The following HS1BP3 variants were observed in gnomAD, a reference collection of about 807,000 sequenced individuals.
HS1BP3 encodes HCLS1 binding protein 3.
Under a neutral mutation model 33.5 loss-of-function variants are expected in HS1BP3, and 32 were observed. That is an observed-to-expected ratio of 0.95 (90% CI 0.72 to 1.28). HS1BP3 has a LOEUF of 1.28. Ranked by LOEUF, HS1BP3 falls within the 50% of genes most tolerant of loss-of-function variation. HS1BP3 has a pLI of 0.00. For synonymous variants in HS1BP3, 187 were observed against 209.2 expected (o/e 0.89, Z 0.92); for missense variants, 486 against 502.3 (o/e 0.97, Z 0.31).
intron 5 of HS1BP3, among the ~76,000 whole-genome samples, chr2:20,568,866 C>T (rs1321674077): frequency 1.3e-5 from 2 of 152,220 alleles, no homozygotes; most frequent in Admixed American, 6.5e-5. Context: ...GTTGGGACCT[C>T]CCAAGGGACT....
intron 6 of HS1BP3, among the ~76,000 whole-genome samples, chr2:20,620,440 C>T (rs546638938): frequency 5.3e-5 from 8 of 152,326 alleles, no homozygotes; most frequent in South Asian, 4.1e-4. Context: ...CTACGTCTAT[C>T]GCTCAGCCAT....
At chr2:20,623,798 A>G in intron 6 of HS1BP3, 98 bp downstream of exon 6, 2 of 1,374,400 alleles carry the variant, frequency 1.5e-6, no homozygotes, top group Non-Finnish European at 1.9e-6. Flanking sequence ...TCCTCCCCTC[A>G]GAGGAGGCTG....
chr2:20,596,813 C>A (rs1181525019), intron 3 of HS1BP3, among the ~76,000 whole-genome samples: 1 of 152,208 alleles, frequency 6.6e-6, no homozygotes, highest in Non-Finnish European at 1.5e-5. Flanking sequence ...ACACACAAAT[C>A]TCAGCTCCTT....
At chr2:20,609,022 G>A (rs1160285441) in intron 2 of HS1BP3, among the ~76,000 whole-genome samples, 1 of 152,224 alleles carries the variant, frequency 6.6e-6, no homozygotes, top group East Asian at 1.9e-4. Context: ...GAGCCCGCCT[G>A]GCTACAGGGA....
intron 3 of HS1BP3, among the ~76,000 whole-genome samples, chr2:20,594,682 C>A (rs568212846): frequency 6.6e-6 from 1 of 152,202 alleles, no homozygotes; most frequent in Non-Finnish European, 1.5e-5. Context: ...TCCATTCAGG[C>A]TGCTACAACA....
At position 20,638,542 on chromosome 2, in the gene HS1BP3, G is replaced by T. The variant is rs375974916; in HGVS notation, c.517C>A (p.Gln173Lys). ...DEEAFDFFEE[Q>K]DQVAEEGPPV... ...GGACCCTCTTCTGCCACTTGGTCTT[G>T]CTCCTCAAAAAAGTCGAAAGCCTCT... Residue 173 changes from glutamine to lysine, a missense_variant, in exon 4 of 7, where the codon CAA (glutamine) becomes AAA (lysine). Physicochemically the swap from Gln to Lys is moderately conservative, Grantham distance 53 (BLOSUM62 1). Coordinates refer to ENST00000304031, the MANE Select transcript of HS1BP3 (RefSeq NM_022460.4). 5.0e-5 allele frequency: 81 copies of T among 1,614,226 alleles called. No homozygotes were observed. The Admixed American group carries it at 1.3e-3, about 27-fold the overall frequency.
intron 2 of HS1BP3, among the ~76,000 whole-genome samples, chr2:20,601,513 G>A (rs962752717): frequency 1.3e-5 from 2 of 152,112 alleles, no homozygotes; most frequent in African/African-American, 4.8e-5. Flanking sequence ...GCTGTGGGAG[G>A]GACCCGGTGG....
chr2:20,607,384 G>C (rs1694216138), intron 2 of HS1BP3, among the ~76,000 whole-genome samples: 2 of 152,130 alleles, frequency 1.3e-5, no homozygotes, highest in Non-Finnish European at 2.9e-5. Context: ...TCAAACTCCT[G>C]ACCTCAAGTG....
At chr2:20,629,267 G>T (rs1447830084) in intron 4 of HS1BP3, among the ~76,000 whole-genome samples, 1 of 152,094 alleles carries the variant, frequency 6.6e-6, no homozygotes, top group African/African-American at 2.4e-5. Flanking sequence ...CGCACACATG[G>T]GCTATCACTC....
chr2:20,615,338 C>A (rs1026755265), downstream of HS1BP3, among the ~76,000 whole-genome samples: 2 of 152,244 alleles, frequency 1.3e-5, no homozygotes, highest in Admixed American at 1.3e-4. Flanking sequence ...TGCATGAGAA[C>A]TCAAGGGCCA....
chr2:20,560,617 CACACACCTGTGTAG>C (rs939340565), intron 5 of HS1BP3: 1 of 152,230 alleles, frequency 6.6e-6, no homozygotes, highest in African/African-American at 2.4e-5. Flanking sequence ...TGGTTGTCTA[CACACACCTGTGTAG>C]ACAGTTTTCT....
In HS1BP3 at chr2:20,629,613, G is replaced by A. The variant is rs187382227; in HGVS notation, c.624-4721C>T. On this transcript the variant is annotated intron_variant, in intron 4 of 6. Transcript: ENST00000304031. ...CATTGGAACTAGTGCAGGCCATGAG[G>A]GCCACCAAAACATGAGTTGGGCCCA... Among the ~76,000 whole-genome samples, 251 of 152,326 alleles carry A rather than the reference G, an allele frequency of 1.6e-3. 2 individuals are homozygous for A. The highest frequency in any genetic ancestry group is 5.7e-3 in the African/African-American group (239 of 41,572).
intron 5 of HS1BP3, among the ~76,000 whole-genome samples, chr2:20,569,186 C>A (rs1169870926): frequency 1.3e-5 from 2 of 152,176 alleles, no homozygotes; most frequent in Non-Finnish European, 2.9e-5. Flanking sequence ...TGTCCCACCA[C>A]CCCCAAAAGG....
At chr2:20,642,358 C>G (rs1695379477) in intron 2 of HS1BP3, among the ~76,000 whole-genome samples, 1 of 26,900 alleles carries the variant, frequency 3.7e-5, no homozygotes, top group Non-Finnish European at 9.8e-5. Flanking sequence ...TACCAGGAGG[C>G]AGCTGGGGGG....
intron 5 of HS1BP3, among the ~76,000 whole-genome samples, chr2:20,585,124 C>T (rs1176313518): frequency 6.6e-6 from 1 of 152,156 alleles, no homozygotes; most frequent in East Asian, 1.9e-4. Context: ...ACCTCAGAGC[C>T]GTGGCTGAGG....
rs1262874334 is a variant in HS1BP3, at chr2:20,641,097, G to T, written c.282C>A (p.Pro94=). Residue 94 remains proline, a synonymous_variant, in exon 3 of 7, where the codon CCC becomes CCA. Transcript: ENST00000304031. ...ACTCCCCAACAAACAGGACCTTCCT[G>T]GGTAGTGGGGGGAGGCTGGCTGCTG... ...RYAAASLPPL[P]RKVLFVGESD... is the part of the protein sequence containing the mutation. The T allele has an allele frequency of 2.5e-6, 4 of 1,613,692 alleles. No homozygotes were observed. The Admixed American group carries it at 6.7e-5, about 27-fold the overall frequency.
At chr2:20,631,202 A>G (rs12328851) in intron 4 of HS1BP3, among the ~76,000 whole-genome samples, 7,203 of 151,874 alleles carry the variant, frequency 0.047, 573 homozygotes, top group African/African-American at 0.16. Flanking sequence ...AGCAGACTTC[A>G]CTCTGGGCCT....
intron 5 of HS1BP3, among the ~76,000 whole-genome samples, chr2:20,568,067 T>G (rs1156398815): frequency 6.6e-6 from 1 of 152,184 alleles, no homozygotes; most frequent in Non-Finnish European, 1.5e-5. Context: ...ACCTGCTGAC[T>G]GCCCAGACTG....
intron 6 of HS1BP3, 109 bp from the exon 7 acceptor site, chr2:20,619,354 C>A (rs934989596): frequency 4.2e-6 from 4 of 946,316 alleles, no homozygotes; most frequent in Non-Finnish European, 4.7e-6. Flanking sequence ...GGCAGGGAGC[C>A]CAGCCTCGGC....
Sources: allele counts gnomAD v4.1 joint callset (sites outside exome capture counted in the v4.1 genomes callset), GRCh38; gene constraint gnomAD v4.1.1; transcripts MANE v1.5; gene names NCBI Gene and HGNC (gene_info 2026-07-23, HGNC 2026-07-21).